Variants in KLC3 observed in about 807,000 individuals in gnomAD.
KLC3 encodes the protein kinesin light chain 2.
A neutral mutation model predicts 62.9 loss-of-function variants in KLC3; 72 were observed. The ratio of observed to expected loss-of-function variants is 1.15; its 90% CI spans 0.95 to 1.39. The LOEUF (loss-of-function observed/expected upper bound fraction) is 1.39. Among genes scored for constraint, KLC3 ranks in the 40% most tolerant of loss-of-function variants. KLC3 has a pLI of 0.00. For missense variants in KLC3, 848 were observed against 691.6 expected (o/e 1.23, Z -2.54); for synonymous variants, 377 against 300.5 (o/e 1.25, Z -2.63).
At chr19:45,342,495 C>G (rs184690272) in intron 1 of KLC3, among the ~76,000 whole-genome samples, 11 of 152,250 alleles carry the variant, frequency 7.2e-5, no homozygotes, top group Admixed American at 3.3e-4. Flanking sequence ...CGCGGTAGCT[C>G]ACGCCTGTAA....
chr19:45,342,727 A>G (rs887798189), intron 1 of KLC3, among the ~76,000 whole-genome samples: 2 of 152,178 alleles, frequency 1.3e-5, no homozygotes, highest in African/African-American at 2.4e-5. Context: ...ACATCATGCC[A>G]TTGCACTCCA....
In KLC3 at chr19:45,349,014, G is replaced by A. The variant is rs574968222; in HGVS notation, c.969+93G>A. 4.3e-5 allele frequency: 50 copies of A among 1,153,592 alleles called. 1 individual carries two copies. The South Asian group carries it at 4.7e-4, about 11-fold the overall frequency. The allele number at this position is 1,153,592 out of a possible 1,614,324, so 71.5% of individuals were successfully genotyped here. On this transcript the variant is annotated intron_variant, in intron 7 of 12. Transcript: ENST00000391946. Reference sequence around the variant, plus strand: ...CACGTACATCGTGACCCTGACCCTCGGGCCCCTTGCGTTTGGTATTGGGAG... The same window carrying A: ...CACGTACATCGTGACCCTGACCCTCAGGCCCCTTGCGTTTGGTATTGGGAG...
intron 8 of KLC3, 166 bp downstream of exon 8, chr19:45,349,768 G>C: frequency 1.5e-6 from 1 of 659,470 alleles, no homozygotes; most frequent in South Asian, 2.2e-5. Context: ...ACAGAACACG[G>C]AATCAGGAAA....
intron 12 of KLC3, 114 bp from the exon 13 acceptor site, chr19:45,351,172 G>C (rs1568529052): frequency 1.8e-5 from 28 of 1,586,834 alleles, no homozygotes; most frequent in Non-Finnish European, 1.8e-5. Context: ...GTTTTACTTG[G>C]GGTAGAGGCG....
intron 3 of KLC3, 90 bp from the exon 4 acceptor site, chr19:45,347,355 AAC>A (rs1491585008): frequency 4.8e-4 from 451 of 947,184 alleles, no homozygotes; most frequent in African/African-American, 3.0e-3. Context: ...AAAAAAAAAA[AAC>A]AAAAAAACAA....
Position 45,345,514 on chromosome 19 carries a change from C to T in KLC3, c.-8-20C>T, listed in dbSNP as rs1270494649. On this transcript the variant is annotated intron_variant, in intron 1 of 12. Transcript: ENST00000391946. ...TGGCCCGGGCAATGATTCCCCAAAC[C>T]CCTCACCATTGCTCCCCAGGAGCAG... The T allele has an allele frequency of 1.3e-6, 2 of 1,555,782 alleles. No individual in the cohort carries two copies. Among genetic ancestry groups the T allele is most frequent in the Non-Finnish European group, 1.7e-6 (2 of 1,150,288 alleles).
intron 2 of KLC3, among the ~76,000 whole-genome samples, chr19:45,346,105 T>C (rs1036736755): frequency 6.6e-6 from 1 of 152,070 alleles, no homozygotes. Flanking sequence ...GAGGTTGCAG[T>C]GAGTGGAGAT....
At chr19:45,345,305 G>A (rs1599705905) in intron 1 of KLC3, 2 of 622,254 alleles carry the variant, frequency 3.2e-6, no homozygotes, top group African/African-American at 1.8e-5. Context: ...GGGTTGGGAG[G>A]ACAGACGAAG....
intron 11 of KLC3, 39 bp from the exon 12 acceptor site, chr19:45,350,915 C>T (rs879832796): frequency 1.8e-5 from 29 of 1,606,826 alleles, no homozygotes; most frequent in Non-Finnish European, 2.4e-5. Context: ...GGGGCCACTC[C>T]TGGATTCACT....
rs1172084927 is a variant in KLC3, at chr19:45,341,767, C to CCGTGTGTG, written c.-9+930_-9+937dup. On this transcript the variant is annotated intron_variant, in intron 1 of 12. Coordinates refer to ENST00000391946, the MANE Select transcript of KLC3 (RefSeq NM_177417.3). ...GAGTGAGGTGTGGAGGTGTGTGAAG[C>CCGTGTGTG]CGTGTGTGCGTGTGTGTGTGTGTGT... is the stretch of plus-strand genomic sequence containing the variant. Among the ~76,000 whole-genome samples, 26 of 87,812 alleles carry CCGTGTGTG rather than the reference C, an allele frequency of 3.0e-4. 1 individual carries two copies. In the South Asian group the frequency reaches 0.013, roughly 44 times the overall value. 57.6% of individuals were successfully genotyped at this position (87,812 alleles called of 152,430 possible).
chr19:45,345,648 C>T lies in KLC3; in HGVS notation c.107C>T (p.Ala36Val), dbSNP rs769554893. The change falls in exon 2 of 13, where the codon GCG becomes GTG. Residue 36 changes from alanine (A) to valine (V), a missense_variant. By Grantham distance (64) the Ala-to-Val change is moderately conservative. Coordinates refer to ENST00000391946, the MANE Select transcript of KLC3 (RefSeq NM_177417.3). ...QTRQVVQGLE[A>V]LRAEHHGLAG... is the part of the protein sequence containing the mutation. ...CGGCAAGTGGTCCAGGGGCTGGAGG[C>T]GCTGCGGGCAGAGCACCATGGCCTG... 1.6e-5 allele frequency: 26 copies of T among 1,583,680 alleles called. No homozygotes were observed. Among genetic ancestry groups the T allele is most frequent in the Non-Finnish European group, 2.1e-5 (24 of 1,166,502 alleles).
In KLC3 at chr19:45,349,689, G is replaced by A. The variant is rs866085596; in HGVS notation, c.1143+87G>A. On this transcript the variant is annotated intron_variant, in intron 8 of 12. Transcript: ENST00000391946. ...ATTGGTTGGATACAGGGTGAGCAACGTGAGGGTGGGGGGGGGCCCCCCAGG... is the reference window on the plus strand; with the variant it reads ...ATTGGTTGGATACAGGGTGAGCAACATGAGGGTGGGGGGGGGCCCCCCAGG... 35 of 1,186,134 alleles carry A rather than the reference G, an allele frequency of 3.0e-5. No homozygotes were observed. In the East Asian group the frequency reaches 3.1e-4, roughly 11 times the overall value. The allele number at this position is 1,186,134 out of a possible 1,614,324, so 73.5% of individuals were successfully genotyped here.
intron 1 of KLC3, 39 bp downstream of exon 1, chr19:45,340,885 C>G (rs1213162236): frequency 6.6e-6 from 1 of 152,174 alleles, no homozygotes; most frequent in Non-Finnish European, 1.5e-5. Flanking sequence ...CTCGGAGAGC[C>G]GCGATGATGG....
intron 1 of KLC3, chr19:45,345,248 G>T: frequency 1.8e-6 from 1 of 555,952 alleles, no homozygotes; most frequent in Non-Finnish European, 3.2e-6. Flanking sequence ...GCTTTCTCTT[G>T]GTTAATTACA....
Position 45,350,812 on chromosome 19 carries a change from C to CG in KLC3, c.1379+65_1379+66insG, listed in dbSNP as rs567336739. 1.6e-4 allele frequency: 210 copies of CG among 1,300,360 alleles called. No homozygotes were observed. The African/African-American group carries it at 2.5e-3, about 16-fold the overall frequency. 80.6% of individuals were successfully genotyped at this position (1,300,360 alleles called of 1,614,324 possible). A position where few individuals can be genotyped will look rare whatever the true frequency, so the allele number is the denominator to read the frequency against. ...CAGAATCCACAGCCCACCCCACCCC[C>CG]ACCCCCATCTTGCTCAAGAACCTTC... On this transcript the variant is annotated intron_variant, in intron 11 of 12. Transcript: ENST00000391946.
Position 45,349,503 on chromosome 19 carries a change from G to GT in KLC3, c.1047dup (p.Glu350Ter). On this transcript the variant is annotated frameshift_variant, in exon 8 of 13. Coordinates refer to ENST00000391946, the MANE Select transcript of KLC3 (RefSeq NM_177417.3). LOFTEE classifies it high-confidence loss of function. ...CCCTGCTGTGCCAGAACCAGGGCAA[G>GT]TTTGAGGACGTGGAGCGGCACTATG... 2 of 1,614,076 alleles carry GT rather than the reference G, an allele frequency of 1.2e-6. No individual in the cohort carries two copies. The highest frequency in any genetic ancestry group is 2.2e-5 in the South Asian group (2 of 91,080).
intron 11 of KLC3, 78 bp downstream of exon 11, chr19:45,350,825 C>A: frequency 9.1e-7 from 1 of 1,096,970 alleles, no homozygotes; most frequent in Non-Finnish European, 1.3e-6. Context: ...CCCCATCTTG[C>A]TCAAGAACCT....
chr19:45,348,545 C>T lies in KLC3; in HGVS notation c.780-101C>T, dbSNP rs1057415654. The T allele has an allele frequency of 1.3e-5, 15 of 1,171,180 alleles. No individual in the cohort carries two copies. In the Middle Eastern group the frequency reaches 7.8e-4, roughly 61 times the overall value. 72.5% of individuals were successfully genotyped at this position (1,171,180 alleles called of 1,614,324 possible). Reference sequence around the variant, plus strand: ...AAGGGTGTGCCACCCATGCTTGGTTCAGCCAGGTTCCCTGGGCCTGTCAGG... The same window carrying T: ...AAGGGTGTGCCACCCATGCTTGGTTTAGCCAGGTTCCCTGGGCCTGTCAGG... On this transcript the variant is annotated intron_variant, in intron 5 of 12. Coordinates refer to ENST00000391946, the MANE Select transcript of KLC3 (RefSeq NM_177417.3).
rs779630929 is a variant in KLC3 at position 45,351,408 on chromosome 19, A to G, written c.*51A>G. 8.1e-6 allele frequency: 13 copies of G among 1,599,628 alleles called. No homozygotes were observed. In the Admixed American group the frequency reaches 8.4e-5, roughly 10 times the overall value. ...GCTTCTTGGGAACAGTGCAGGAGGG[A>G]TGGGCTGGTGGGGTGAGAGGGGGTC... On this transcript the variant is annotated 3_prime_UTR_variant, in exon 13 of 13. Transcript: ENST00000391946.
Sources: gnomAD v4.1 joint callset for allele counts (sites outside exome capture counted in the v4.1 genomes callset) on GRCh38, gnomAD v4.1.1 for gene constraint, MANE v1.5 for transcripts, NCBI Gene and HGNC (gene_info 2026-07-23, HGNC 2026-07-21) for gene names.